The following MAP4K3 variants were observed in gnomAD, a reference collection of about 807,000 sequenced individuals.
The protein encoded by MAP4K3 is MAPK/ERK kinase kinase kinase 3.
A neutral mutation model predicts 143.5 loss-of-function variants in MAP4K3; 94 were observed. That is an observed-to-expected ratio of 0.65 (90% confidence interval 0.55 to 0.78). The LOEUF is 0.78. Among genes scored for constraint, MAP4K3 ranks in the 30% least tolerant of loss-of-function variants. The pLI is 0.00. For missense variants in MAP4K3, 1,077 were observed against 1,068.1 expected, an observed-to-expected ratio of 1.01 and a Z score of -0.12; for synonymous variants, 416 against 347.2, an observed-to-expected ratio of 1.20 and a Z score of -2.20.
chr2:39,430,505 T>C (rs1665251427), intron 1 of MAP4K3, among the ~76,000 whole-genome samples: 1 of 151,792 alleles, frequency 6.6e-6, no homozygotes, highest in Non-Finnish European at 1.5e-5. Flanking sequence ...TTTGTACATA[T>C]AAAGGTGGTA....
intron 7 of MAP4K3, among the ~76,000 whole-genome samples, 186 bp downstream of exon 7, chr2:39,333,346 G>A (rs1683742122): frequency 6.6e-6 from 1 of 152,046 alleles, no homozygotes; most frequent in Non-Finnish European, 1.5e-5. Flanking sequence ...TTATGTGAAG[G>A]ACAGACTTTA....
chr2:39,295,056 C>G (rs1008006664), intron 16 of MAP4K3, among the ~76,000 whole-genome samples: 3 of 148,848 alleles, frequency 2.0e-5, no homozygotes, highest in Admixed American at 2.0e-4. Context: ...AAAAGTAAAA[C>G]AATGCTACTT....
intron 1 of MAP4K3, chr2:39,436,534 T>G (rs1665486519): frequency 4.0e-6 from 1 of 247,012 alleles, no homozygotes; most frequent in Admixed American, 5.4e-5. Flanking sequence ...AGACCCCTGC[T>G]GTCCGGTTCG....
At chr2:39,261,637 T>C (rs1320130164) in intron 28 of MAP4K3, among the ~76,000 whole-genome samples, 1 of 152,148 alleles carries the variant, frequency 6.6e-6, no homozygotes, top group Non-Finnish European at 1.5e-5. Flanking sequence ...TAGGTATACA[T>C]TCTAAAGAAC....
chr2:39,272,453 G>A (rs375142600), intron 25 of MAP4K3, 29 bp downstream of exon 25: 46 of 1,600,092 alleles, frequency 2.9e-5, no homozygotes, highest in Middle Eastern at 1.7e-4. Flanking sequence ...AGTAACAATT[G>A]TAAGGTATTT....
chr2:39,369,206 T>TTTTTTTTTGTTTTTG (rs1666013392), intron 2 of MAP4K3, among the ~76,000 whole-genome samples: 1 of 9,068 alleles, frequency 1.1e-4, no homozygotes, highest in South Asian at 6.3e-3. Flanking sequence ...TTTTTTTTTG[T>TTTTTTTTTGTTTTTG]TTTTTTTGAG....
At chr2:39,256,165 G>A (rs1680335216) in intron 31 of MAP4K3, among the ~76,000 whole-genome samples, 1 of 152,104 alleles carries the variant, frequency 6.6e-6, no homozygotes, top group Admixed American at 6.5e-5. Flanking sequence ...CTCATATCCA[G>A]CAACTCTGAA....
At chr2:39,305,480 G>C (rs1463711762) in intron 15 of MAP4K3, among the ~76,000 whole-genome samples, 1 of 152,152 alleles carries the variant, frequency 6.6e-6, no homozygotes, top group Non-Finnish European at 1.5e-5. Context: ...AGAATAATAA[G>C]TTAATATATT....
chr2:39,316,865 G>A (rs1022320939), intron 12 of MAP4K3, among the ~76,000 whole-genome samples: 20 of 151,512 alleles, frequency 1.3e-4, no homozygotes, highest in African/African-American at 4.6e-4. Flanking sequence ...ATTAGACAAA[G>A]GCCATGTAGA....
At chr2:39,384,689 G>C (rs1025515893) in intron 1 of MAP4K3, among the ~76,000 whole-genome samples, 2 of 152,204 alleles carry the variant, frequency 1.3e-5, no homozygotes, top group African/African-American at 4.8e-5. Flanking sequence ...AATGTGGCCA[G>C]TGCAAGTGAA....
At chr2:39,291,373 A>C (rs993396826) in intron 18 of MAP4K3, among the ~76,000 whole-genome samples, 1 of 152,220 alleles carries the variant, frequency 6.6e-6, no homozygotes, top group African/African-American at 2.4e-5. Context: ...ATTCCAGTTT[A>C]TATCAACTGA....
At chr2:39,326,426 C>G in intron 8 of MAP4K3, 149 bp from the exon 9 acceptor site, 5 of 707,416 alleles carry the variant, frequency 7.1e-6, no homozygotes, top group Non-Finnish European at 1.2e-5. Context: ...CTTAAAAGGT[C>G]CACCTTTTCC....
At chr2:39,431,242 C>A (rs1050403277) in intron 1 of MAP4K3, among the ~76,000 whole-genome samples, 2 of 152,216 alleles carry the variant, frequency 1.3e-5, no homozygotes, top group South Asian at 2.1e-4. Flanking sequence ...CTGAGAGTTG[C>A]TGGGACATGT....
chr2:39,387,690 AGATG>A (rs768807763), intron 1 of MAP4K3, among the ~76,000 whole-genome samples: 12 of 152,250 alleles, frequency 7.9e-5, no homozygotes, highest in Non-Finnish European at 1.5e-4. Context: ...ATAACCCAAC[AGATG>A]GACAGAAAAA....
Position 39,250,523 on chromosome 2 carries a change from G to A in MAP4K3, c.*95C>T. 1 of 1,165,890 alleles carries A rather than the reference G, an allele frequency of 8.6e-7. No individual in the cohort carries two copies. The highest frequency in any genetic ancestry group is 1.2e-6 in the Non-Finnish European group (1 of 813,188). The allele number at this position is 1,165,890 out of a possible 1,614,324, so 72.2% of individuals were successfully genotyped here. A position where few individuals can be genotyped will look rare whatever the true frequency, so the allele number is the denominator to read the frequency against. ...ATAAATTACAAAGTAACTGAAGACAGGTTACTGCAGCTTTTGTACAGCTTC... is the reference window on the plus strand; with the variant it reads ...ATAAATTACAAAGTAACTGAAGACAAGTTACTGCAGCTTTTGTACAGCTTC... On this transcript the variant is annotated 3_prime_UTR_variant, in exon 34 of 34. Coordinates refer to ENST00000263881, the MANE Select transcript of MAP4K3 (RefSeq NM_003618.4).
Position 39,282,176 on chromosome 2 carries a change from C to A in MAP4K3, c.1629+337G>T, listed in dbSNP as rs552149590. On this transcript the variant is annotated intron_variant, in intron 22 of 33. Coordinates refer to ENST00000263881, the MANE Select transcript of MAP4K3 (RefSeq NM_003618.4). Reference sequence around the variant, plus strand: ...TGCCACTGCACTCTAGCCTGGGCAACAGAGTGAGACTCCGTCTCAAAAAAA... The same window carrying A: ...TGCCACTGCACTCTAGCCTGGGCAAAAGAGTGAGACTCCGTCTCAAAAAAA... 1.0e-4 allele frequency among the ~76,000 whole-genome samples: 15 copies of A among 145,772 alleles called. No homozygotes were observed. In the South Asian group the frequency reaches 1.7e-3, roughly 17 times the overall value.
intron 24 of MAP4K3, among the ~76,000 whole-genome samples, chr2:39,274,218 TCTC>T (rs1297209745): frequency 2.7e-5 from 4 of 150,752 alleles, no homozygotes; most frequent in African/African-American, 4.9e-5. Flanking sequence ...TTTCTTTCTC[TCTC>T]TTTTTTTTTT....
chr2:39,309,760 A>G (rs1408646603), intron 13 of MAP4K3, among the ~76,000 whole-genome samples: 2 of 151,562 alleles, frequency 1.3e-5, no homozygotes, highest in African/African-American at 4.9e-5. Context: ...GGGTTTCACC[A>G]TGTTAGCCAG....
chr2:39,346,478 T>C (rs1253929629), intron 3 of MAP4K3, among the ~76,000 whole-genome samples: 2 of 152,262 alleles, frequency 1.3e-5, no homozygotes, highest in East Asian at 3.8e-4. Context: ...GGTGTCTTAT[T>C]AGCTCTCCCA....
Sources: allele counts gnomAD v4.1 joint callset (sites outside exome capture counted in the v4.1 genomes callset), GRCh38; gene constraint gnomAD v4.1.1; transcripts MANE v1.5; gene names NCBI Gene and HGNC (gene_info 2026-07-23, HGNC 2026-07-21).